The following EPHA5 variants were observed in gnomAD, a reference collection of about 807,000 sequenced individuals.
The protein encoded by EPHA5 is ephrin type-A receptor 5.
EPHA5 carries 60 observed loss-of-function variants against 105.0 expected under a neutral mutation model. The ratio of observed to expected loss-of-function variants is 0.57; its 90% CI spans 0.46 to 0.71. The LOEUF (loss-of-function observed/expected upper bound fraction) is 0.71, where lower values mean the gene tolerates loss of function less well. Ranked by LOEUF, EPHA5 falls within the 30% of genes least tolerant of loss-of-function variation. The probability of loss-of-function intolerance (pLI) is 0.00; values close to 1 mark genes in which losing one functional copy is unlikely to be tolerated. For synonymous variants in EPHA5, 513 were observed against 449.1 expected (o/e 1.14, Z -1.80); for missense variants, 1,218 against 1,274.7 (o/e 0.96, Z 0.68).
chr4:65,455,287 A>G (rs1437303562), intron 5 of EPHA5, among the ~76,000 whole-genome samples: 1 of 152,114 alleles, frequency 6.6e-6, no homozygotes, highest in East Asian at 1.9e-4. Flanking sequence ...AAAACTAAAA[A>G]ATGAAAATTA....
chr4:65,336,191 T>G lies in EPHA5; in HGVS notation c.2596-66A>C, dbSNP rs911296967. The G allele has an allele frequency of 3.1e-6, 4 of 1,283,734 alleles. No homozygotes were observed. The African/African-American group carries it at 6.1e-5, about 20-fold the overall frequency. The allele number at this position is 1,283,734 out of a possible 1,614,324, so 79.5% of individuals were successfully genotyped here. A position where few individuals can be genotyped will look rare whatever the true frequency, so the allele number is the denominator to read the frequency against. On this transcript the variant is annotated intron_variant, in intron 14 of 16. Transcript: ENST00000613740. Reference sequence around the variant, plus strand: ...ATTTAGTATAGAATAGCTTTAAAAATGTCCCACTGTCCAACTTTTATCCTT... The same window carrying G: ...ATTTAGTATAGAATAGCTTTAAAAAGGTCCCACTGTCCAACTTTTATCCTT...
intron 3 of EPHA5, among the ~76,000 whole-genome samples, chr4:65,572,783 T>C (rs1740330686): frequency 6.6e-6 from 1 of 151,248 alleles, no homozygotes; most frequent in African/African-American, 2.4e-5. Flanking sequence ...ATAATACCAG[T>C]CATTTGGGAG....
intron 13 of EPHA5, among the ~76,000 whole-genome samples, chr4:65,348,691 TATATATAA>T (rs1428824289): frequency 0.012 from 538 of 45,612 alleles, 29 homozygotes; most frequent in Admixed American, 0.066. Context: ...TATATATATA[TATATATAA>T]AATATATATG....
At chr4:65,445,986 G>A (rs796938669) in intron 5 of EPHA5, among the ~76,000 whole-genome samples, 6 of 152,204 alleles carry the variant, frequency 3.9e-5, no homozygotes, top group African/African-American at 1.4e-4. Flanking sequence ...TATCTCTCCT[G>A]AGTCCTGAAA....
At chr4:65,590,160 A>G (rs1338138998) in intron 3 of EPHA5, among the ~76,000 whole-genome samples, 4 of 152,176 alleles carry the variant, frequency 2.6e-5, no homozygotes, top group African/African-American at 9.7e-5. Flanking sequence ...TACTTCCTCC[A>G]AACTGTGGTT....
chr4:65,394,926 T>A (rs1721071038), intron 8 of EPHA5, among the ~76,000 whole-genome samples: 1 of 152,128 alleles, frequency 6.6e-6, no homozygotes, highest in Non-Finnish European at 1.5e-5. Context: ...CCTTCATGAA[T>A]ATACTCTTCA....
intron 3 of EPHA5, among the ~76,000 whole-genome samples, chr4:65,536,820 T>C (rs1736337065): frequency 6.6e-6 from 1 of 151,734 alleles, no homozygotes; most frequent in African/African-American, 2.4e-5. Flanking sequence ...TCTTTACATT[T>C]AGATGTCAGT....
At chr4:65,513,640 C>A (rs1382782341) in intron 3 of EPHA5, among the ~76,000 whole-genome samples, 2 of 152,170 alleles carry the variant, frequency 1.3e-5, no homozygotes, top group African/African-American at 2.4e-5. Flanking sequence ...CCTGCCTCTG[C>A]CTCCCAAAGT....
intron 3 of EPHA5, among the ~76,000 whole-genome samples, chr4:65,499,058 C>T (rs1732229962): frequency 6.6e-6 from 1 of 150,838 alleles, no homozygotes; most frequent in Non-Finnish European, 1.5e-5. Flanking sequence ...ACAGGATTTT[C>T]TTGTAGCATC....
chr4:65,476,720 T>G (rs1250782092), intron 5 of EPHA5, among the ~76,000 whole-genome samples: 3 of 152,066 alleles, frequency 2.0e-5, no homozygotes, highest in Non-Finnish European at 4.4e-5. Context: ...AATTAACTAA[T>G]TAATTAATTT....
chr4:65,414,186 G>A, intron 7 of EPHA5, 98 bp downstream of exon 7: 1 of 1,048,392 alleles, frequency 9.5e-7, no homozygotes, highest in Non-Finnish European at 1.5e-6. Context: ...GAGAGGGAGA[G>A]TGAGACTGAC....
chr4:65,339,046 T>A (rs1721451436), intron 14 of EPHA5, among the ~76,000 whole-genome samples: 1 of 152,182 alleles, frequency 6.6e-6, no homozygotes, highest in African/African-American at 2.4e-5. Flanking sequence ...TCAGATGTGC[T>A]ATATCTGAAA....
At position 65,490,709 on chromosome 4, in the gene EPHA5, G is replaced by A. The variant is rs1321339471; in HGVS notation, c.1070C>T (p.Pro357Leu). 6.2e-7 allele frequency: 1 copy of A among 1,611,974 alleles called. No homozygotes were observed. The change falls in exon 5 of 17, where the codon CCC becomes CTC. Residue 357 changes from proline to leucine, a missense_variant. Pro to Leu is a moderately conservative substitution (Grantham distance 98). This residue lies in a region of EPHA5 where 971 missense variants were observed against 1,013.5 expected (regional missense o/e 0.96). Coordinates refer to ENST00000613740, the MANE Select transcript of EPHA5 (RefSeq NM_001281766.3). Reference sequence around the variant, plus strand: ...GATGGCATTCCGAGGAGCAGAGGGGGGTCCTGGTTTACAAAGTAAAGTAAG... The same window carrying A: ...GATGGCATTCCGAGGAGCAGAGGGGAGTCCTGGTTTACAAAGTAAAGTAAG... ...SDPPTMACTR[P>L]PSAPRNAISN...
At chr4:65,532,968 A>T (rs1735960316) in intron 3 of EPHA5, among the ~76,000 whole-genome samples, 1 of 152,022 alleles carries the variant, frequency 6.6e-6, no homozygotes, top group Non-Finnish European at 1.5e-5. Context: ...TAGCACAGTC[A>T]TGCTTCCATC....
At position 65,420,451 on chromosome 4, in the gene EPHA5, T is replaced by C. The variant is rs56074660; in HGVS notation, c.1517A>G (p.Tyr506Cys). Residue 506 changes from tyrosine (Y) to cysteine (C), a missense_variant, in exon 6 of 17, where the codon TAT (tyrosine) becomes TGT (cysteine). Physicochemically the swap from Tyr to Cys is radical, Grantham distance 194. Around this residue, in one of 3 missense-constraint regions of EPHA5, gnomAD observed 971 missense variants for 1,013.5 expected, o/e 0.96. Coordinates refer to ENST00000613740, the MANE Select transcript of EPHA5 (RefSeq NM_001281766.3). ...TTCTGTTAGTCTTACCTTTTCAAAATACTTGATTTCATACTCTAGGATGAT... is the reference window on the plus strand; with the variant it reads ...TTCTGTTAGTCTTACCTTTTCAAAACACTTGATTTCATACTCTAGGATGAT... ...NGIILEYEIKYFEKDQETSYT... is the reference protein window; with the variant it reads ...NGIILEYEIKCFEKDQETSYT... 6.0e-5 allele frequency: 95 copies of C among 1,592,190 alleles called. No homozygotes were observed. In the East Asian group the frequency reaches 1.8e-3, roughly 29 times the overall value.
intron 3 of EPHA5, among the ~76,000 whole-genome samples, chr4:65,544,056 A>G (rs1737126792): frequency 6.6e-6 from 1 of 151,990 alleles, no homozygotes; most frequent in African/African-American, 2.4e-5. Flanking sequence ...TTCTTTACAC[A>G]CCTTATACAA....
Position 65,420,481 on chromosome 4 carries a change from T to C in EPHA5, c.1487A>G (p.Asn496Ser), listed in dbSNP as rs1723840829. Residue 496 changes from asparagine (N) to serine (S), a missense_variant, in exon 6 of 17, where the codon AAT becomes AGT. Asn to Ser is a conservative substitution (Grantham distance 46). Transcript: ENST00000613740. Reference protein sequence around the residue: ...SLSWQEPDRPNGIILEYEIKY... With the variant: ...SLSWQEPDRPSGIILEYEIKY... Reference sequence around the variant, plus strand: ...GATTTCATACTCTAGGATGATTCCATTGGGACGATCTGGTTCTTGCCAAGA... The same window carrying C: ...GATTTCATACTCTAGGATGATTCCACTGGGACGATCTGGTTCTTGCCAAGA... The C allele has an allele frequency of 1.2e-6, 2 of 1,612,748 alleles. No individual in the cohort carries two copies. Among genetic ancestry groups the C allele is most frequent in the Non-Finnish European group, 1.7e-6 (2 of 1,179,268 alleles).
intron 3 of EPHA5, among the ~76,000 whole-genome samples, chr4:65,496,718 G>A (rs1187209018): frequency 6.6e-6 from 1 of 152,070 alleles, no homozygotes; most frequent in Admixed American, 6.6e-5. Flanking sequence ...AGAGAAGCAT[G>A]ATTTACAGTC....
At chr4:65,424,352 G>A (rs969234086) in intron 5 of EPHA5, among the ~76,000 whole-genome samples, 2 of 152,060 alleles carry the variant, frequency 1.3e-5, no homozygotes. Context: ...GTACAGATAC[G>A]TTGAAGCCTG....
Sources: allele counts gnomAD v4.1 joint callset (sites outside exome capture counted in the v4.1 genomes callset), GRCh38; gene constraint gnomAD v4.1.1; regional missense constraint gnomAD v4.1.1; transcripts MANE v1.5; gene names NCBI Gene and HGNC (gene_info 2026-07-23, HGNC 2026-07-21).